The following SLFN11 variants were observed in gnomAD, a reference collection of about 807,000 sequenced individuals.
SLFN11 encodes schlafen family member 11.
SLFN11 carries 43 observed loss-of-function variants against 53.4 expected under a neutral mutation model. The ratio of observed to expected loss-of-function variants is 0.80; its 90% confidence interval spans 0.63 to 1.04. The LOEUF (loss-of-function observed/expected upper bound fraction) is 1.04, where lower values mean the gene tolerates loss of function less well. Among genes scored for constraint, SLFN11 ranks in the 50% least tolerant of loss-of-function variants. The probability of loss-of-function intolerance (pLI) is 0.00; values close to 1 mark genes in which losing one functional copy is unlikely to be tolerated. For missense variants in SLFN11, 990 were observed against 1,079.1 expected (o/e 0.92, Z 1.16); for synonymous variants, 389 against 394.7 (o/e 0.99, Z 0.17).
In SLFN11 at chr17:35,354,122, A is replaced by T. The variant is rs1907161082; in HGVS notation, c.1199-63T>A. 9 of 1,393,840 alleles carry T rather than the reference A, an allele frequency of 6.5e-6. No homozygotes were observed. The South Asian group carries it at 1.6e-4, about 24-fold the overall frequency. 86.3% of individuals were successfully genotyped at this position (1,393,840 alleles called of 1,614,324 possible). On this transcript the variant is annotated intron_variant, in intron 5 of 6. Transcript: ENST00000685675. ...ATAACCCTATTGATTAAGATGACTA[A>T]TTATAATTAACTAATTGATTAACTA...
chr17:35,359,101 C>G (rs987921048), intron 5 of SLFN11, among the ~76,000 whole-genome samples: 1 of 152,004 alleles, frequency 6.6e-6, no homozygotes, highest in African/African-American at 2.4e-5. Context: ...GCCTATTTTT[C>G]AAAAGTTTGG....
intron 1 of SLFN11, among the ~76,000 whole-genome samples, 193 bp downstream of exon 1, chr17:35,373,281 C>T (rs1395538621): frequency 6.7e-6 from 1 of 149,492 alleles, no homozygotes; most frequent in Non-Finnish European, 1.5e-5. Context: ...ACCCCCGCCC[C>T]GCCCGCCAGT....
At chr17:35,366,188 T>C (rs1213864475) in intron 3 of SLFN11, among the ~76,000 whole-genome samples, 1 of 152,018 alleles carries the variant, frequency 6.6e-6, no homozygotes, top group East Asian at 1.9e-4. Flanking sequence ...CTAAGACAAA[T>C]AGGTCAGGGA....
chr17:35,352,128 C>T lies in SLFN11; in HGVS notation c.*228G>A. The T allele has an allele frequency of 1.7e-6, 1 of 589,452 alleles. No individual in the cohort carries two copies. 36.5% of individuals were successfully genotyped at this position (589,452 alleles called of 1,614,324 possible). On this transcript the variant is annotated 3_prime_UTR_variant, in exon 7 of 7. Transcript: ENST00000685675. ...GACAGCTAAAGTTCCTTTAGAAAAC[C>T]ACCATCTTTCTGGCTGGAAGAGTCA...
In SLFN11 at chr17:35,355,110, A is replaced by C. The variant is rs190297044; in HGVS notation, c.1199-1051T>G. On this transcript the variant is annotated intron_variant, in intron 5 of 6. Transcript: ENST00000685675. ...TAAAATGAAGCTTTGGAAACCAAAG[A>C]AATGTAAAATAAGAAAATACATCAT... Among the ~76,000 whole-genome samples, 156 of 152,310 alleles carry C rather than the reference A, an allele frequency of 1.0e-3. 1 individual carries two copies. The highest frequency in any genetic ancestry group is 2.4e-3 in the Admixed American group (37 of 15,294).
chr17:35,351,905 C>T lies in SLFN11; in HGVS notation c.*451G>A, dbSNP rs1001890798. On this transcript the variant is annotated 3_prime_UTR_variant, in exon 7 of 7. Coordinates refer to ENST00000685675, the MANE Select transcript of SLFN11 (RefSeq NM_001376007.1). The stretch of plus-strand genomic sequence containing the variant: ...ATGTCAAGAATTCAGGAAACAATTG[C>T]TTCTGCTACGGCCAGTAAGCTCCTA... 1.2e-5 allele frequency: 2 copies of T among 162,234 alleles called. No homozygotes were observed. Among genetic ancestry groups the T allele is most frequent in the African/African-American group, 4.8e-5 (2 of 41,650 alleles). 10.0% of individuals were successfully genotyped at this position (162,234 alleles called of 1,614,324 possible).
chr17:35,352,745 C>G lies in SLFN11; in HGVS notation c.2317G>C (p.Val773Leu). 6.2e-7 allele frequency: 1 copy of G among 1,614,238 alleles called. No homozygotes were observed. Among genetic ancestry groups the G allele is most frequent in the Non-Finnish European group, 8.5e-7 (1 of 1,180,044 alleles). The change falls in exon 7 of 7, where the codon GTT becomes CTT. Residue 773 changes from valine to leucine, a missense_variant. Val to Leu is a conservative substitution (Grantham distance 32, BLOSUM62 1). This residue lies in a region of SLFN11 where 313 missense variants were observed against 320.9 expected (regional missense o/e 0.98). Coordinates refer to ENST00000685675, the MANE Select transcript of SLFN11 (RefSeq NM_001376007.1). Reference protein sequence around the residue: ...VFPEAEWSQGVQGTLRIKKYL... With the variant: ...VFPEAEWSQGLQGTLRIKKYL... ...TTCTTAATTCGTAAGGTTCCCTGAA[C>G]ACCCTGGGACCATTCGGCTTCAGGA...
Position 35,372,795 on chromosome 17 carries a change from T to TA in SLFN11, c.-235+678dup, listed in dbSNP as rs752227373. ...TACCCACAGAAATTAAAAATTAATT[T>TA]AAAAAAAAAGAAAAGAAAGGGAAAT... On this transcript the variant is annotated intron_variant, in intron 1 of 6. Coordinates refer to ENST00000685675, the MANE Select transcript of SLFN11 (RefSeq NM_001376007.1). Among the ~76,000 whole-genome samples, 297 of 150,980 alleles carry TA rather than the reference T, an allele frequency of 2.0e-3. 1 individual carries two copies. The highest frequency in any genetic ancestry group is 3.6e-3 in the African/African-American group (147 of 41,188).
chr17:35,366,287 C>T (rs901492716), intron 3 of SLFN11, among the ~76,000 whole-genome samples: 7 of 151,792 alleles, frequency 4.6e-5, no homozygotes, highest in Non-Finnish European at 7.4e-5. Context: ...AAAGAAGGAG[C>T]GTGAACTTTG....
In SLFN11 at chr17:35,352,509, C is replaced by G. The variant is rs1480012906; in HGVS notation, c.2553G>C (p.Leu851Phe). Residue 851 changes from leucine (L) to phenylalanine (F), a missense_variant, in exon 7 of 7, where the codon TTG (leucine) becomes TTC (phenylalanine). Physicochemically the swap from Leu to Phe is conservative, Grantham distance 22 (BLOSUM62 0). This residue lies in a region of SLFN11 where 313 missense variants were observed against 320.9 expected (regional missense o/e 0.98). Transcript: ENST00000685675. ...ACDMLGDHIV[L>F]DSVRRFSGLE... ...GGCCTGAGAATCGCCGAACACTGTC[C>G]AACACAATGTGATCACCCAACATAT... The G allele has an allele frequency of 6.2e-7, 1 of 1,614,064 alleles. No individual in the cohort carries two copies.
intron 1 of SLFN11, among the ~76,000 whole-genome samples, chr17:35,371,811 CG>C (rs1020660732): frequency 1.4e-4 from 22 of 152,118 alleles, no homozygotes; most frequent in African/African-American, 4.3e-4. Context: ...ATCCAAAAGA[CG>C]GGCAATAACA....
intron 5 of SLFN11, among the ~76,000 whole-genome samples, chr17:35,356,674 CA>C (rs1374170355): frequency 6.6e-6 from 1 of 151,828 alleles, no homozygotes; most frequent in Non-Finnish European, 1.5e-5. Flanking sequence ...ATGGATGTAC[CA>C]TATCTTGTTT....
intron 1 of SLFN11, among the ~76,000 whole-genome samples, chr17:35,367,965 A>G (rs1236924433): frequency 1.3e-5 from 2 of 152,074 alleles, no homozygotes; most frequent in African/African-American, 4.8e-5. Flanking sequence ...ACCACCCCCA[A>G]GCGAGGGGCT....
At chr17:35,365,569 A>T (rs1168058737) in intron 3 of SLFN11, among the ~76,000 whole-genome samples, 3 of 152,192 alleles carry the variant, frequency 2.0e-5, no homozygotes, top group Non-Finnish European at 4.4e-5. Context: ...GCTAGGGATT[A>T]TAGGCATGAG....
chr17:35,360,210 C>T, intron 5 of SLFN11, 33 bp downstream of exon 5: 1 of 1,592,864 alleles, frequency 6.3e-7, no homozygotes, highest in Non-Finnish European at 8.5e-7. Context: ...AATATAGAAA[C>T]TGGCTGGTGT....
chr17:35,364,581 C>G (rs907512639), intron 3 of SLFN11, among the ~76,000 whole-genome samples: 4 of 152,060 alleles, frequency 2.6e-5, no homozygotes, highest in African/African-American at 4.8e-5. Context: ...AGGCAATAAA[C>G]CAGAGGCTAA....
Position 35,353,381 on chromosome 17 carries a change from C to T in SLFN11, c.1877G>A (p.Arg626Lys). The change falls in exon 6 of 7, where the codon AGA becomes AAA. Residue 626 changes from arginine (R) to lysine (K), a missense_variant. Arg to Lys is a conservative substitution (Grantham distance 26). This residue lies in a region of SLFN11 where 156 missense variants were observed against 241.9 expected (regional missense o/e 0.64). Coordinates refer to ENST00000685675, the MANE Select transcript of SLFN11 (RefSeq NM_001376007.1). ...IRNVFHCEAH[R>K]ILYVCENQPL... Reference sequence around the variant, plus strand: ...CTGGTTTTCACAAACGTAGAGAATTCTGTGTGCCTCACAGTGAAACACATT... The same window carrying T: ...CTGGTTTTCACAAACGTAGAGAATTTTGTGTGCCTCACAGTGAAACACATT... 1 of 1,596,178 alleles carries T rather than the reference C, an allele frequency of 6.3e-7. No homozygotes were observed.
chr17:35,354,104 T>C (rs748216675), intron 5 of SLFN11, 45 bp from the exon 6 acceptor site: 1 of 1,499,100 alleles, frequency 6.7e-7, no homozygotes, highest in Non-Finnish European at 8.9e-7. Context: ...GAAATAACCC[T>C]ATTGATTAAG....
At position 35,351,175 on chromosome 17, in the gene SLFN11, G is replaced by C. The variant is rs1906627562; in HGVS notation, c.*1181C>G. The C allele has an allele frequency of 6.6e-6, 1 of 152,280 alleles. No individual in the cohort carries two copies. The highest frequency in any genetic ancestry group is 1.5e-5 in the Non-Finnish European group (1 of 68,098). The allele number at this position is 152,280 out of a possible 1,614,324, so 9.4% of individuals were successfully genotyped here. A position where few individuals can be genotyped will look rare whatever the true frequency, so the allele number is the denominator to read the frequency against. On this transcript the variant is annotated 3_prime_UTR_variant, in exon 7 of 7. Coordinates refer to ENST00000685675, the MANE Select transcript of SLFN11 (RefSeq NM_001376007.1). The stretch of plus-strand genomic sequence containing the variant: ...GGCTTCTCCTCTTGGCTTGTAGGTG[G>C]CTGCCATCTCTCTGTGTGCTCCCAT...
Sources: allele counts gnomAD v4.1 joint callset (sites outside exome capture counted in the v4.1 genomes callset), GRCh38; gene constraint gnomAD v4.1.1; regional missense constraint gnomAD v4.1.1; transcripts MANE v1.5; gene names NCBI Gene and HGNC (gene_info 2026-07-23, HGNC 2026-07-21).